Variants in GDPD4 observed in about 807,000 individuals in gnomAD.
GDPD4 encodes the protein glycerophosphodiester phosphodiesterase domain containing 4, also known as glycerophosphodiester phosphodiesterase 6.
A neutral mutation model predicts 67.8 loss-of-function variants in GDPD4; 60 were observed. That is an observed-to-expected ratio of 0.88 (90% CI 0.72 to 1.10). The LOEUF (loss-of-function observed/expected upper bound fraction) is 1.10, where lower values mean the gene tolerates loss of function less well. GDPD4 is among the 50% of genes least tolerant of loss of function. The probability of loss-of-function intolerance (pLI) is 0.00; values close to 1 mark genes in which losing one functional copy is unlikely to be tolerated. For synonymous variants in GDPD4, 212 were observed against 210.9 expected, an observed-to-expected ratio of 1.00 and a Z score of -0.04; for missense variants, 623 against 613.9, an observed-to-expected ratio of 1.01 and a Z score of -0.16.
Position 77,216,634 on chromosome 11 carries a change from T to G in GDPD4, c.*643A>C, listed in dbSNP as rs558393166. The G allele has an allele frequency of 5.2e-4, 223 of 427,592 alleles. No individual in the cohort carries two copies. Among genetic ancestry groups the G allele is most frequent in the Middle Eastern group, 3.8e-3 (6 of 1,564 alleles). The allele number at this position is 427,592 out of a possible 1,614,324, so 26.5% of individuals were successfully genotyped here. A position where few individuals can be genotyped will look rare whatever the true frequency, so the allele number is the denominator to read the frequency against. On this transcript the variant is annotated 3_prime_UTR_variant, in exon 17 of 17. Transcript: ENST00000315938. The stretch of plus-strand genomic sequence containing the variant: ...ATATTATGGAGGTGTTAGGATGAGA[T>G]AAACCTGACAGCAACCAGTTCCAAG...
chr11:77,277,362 T>C (rs1268888926), intron 4 of GDPD4, among the ~76,000 whole-genome samples: 2 of 143,238 alleles, frequency 1.4e-5, no homozygotes, highest in South Asian at 2.4e-4. Context: ...CCTTCCAAAA[T>C]CTCACAAACC....
At chr11:77,255,571 A>G (rs188809134) in intron 11 of GDPD4, among the ~76,000 whole-genome samples, 4 of 152,224 alleles carry the variant, frequency 2.6e-5, no homozygotes, top group Middle Eastern at 3.4e-3. Flanking sequence ...CAAAACAAAT[A>G]AAAATAAGGC....
intron 9 of GDPD4, 82 bp downstream of exon 9, chr11:77,268,842 C>T: frequency 7.2e-7 from 1 of 1,384,688 alleles, no homozygotes; most frequent in Non-Finnish European, 1.0e-6. Flanking sequence ...TCTCCAGGGG[C>T]TTCCATGGTT....
At chr11:77,229,106 A>C in intron 15 of GDPD4, 44 bp downstream of exon 15, 1 of 928,560 alleles carries the variant, frequency 1.1e-6, no homozygotes, top group Middle Eastern at 3.3e-4. Flanking sequence ...ATAATAATCC[A>C]TTTATTTTGG....
chr11:77,227,028 T>G (rs1487066547), intron 16 of GDPD4, among the ~76,000 whole-genome samples: 1 of 152,166 alleles, frequency 6.6e-6, no homozygotes, highest in Non-Finnish European at 1.5e-5. Flanking sequence ...TGTTCCAACT[T>G]TAATTAAGTC....
chr11:77,277,912 T>C (rs995237911), intron 4 of GDPD4, among the ~76,000 whole-genome samples: 16 of 152,042 alleles, frequency 1.1e-4, no homozygotes, highest in African/African-American at 3.9e-4. Flanking sequence ...TTTAAATGTG[T>C]CCCAGAGATT....
At chr11:77,266,422 C>G (rs762110501) in intron 10 of GDPD4, among the ~76,000 whole-genome samples, 43 of 152,106 alleles carry the variant, frequency 2.8e-4, no homozygotes, top group Non-Finnish European at 5.9e-5. Flanking sequence ...CATACAACTA[C>G]AGATAATACA....
intron 10 of GDPD4, among the ~76,000 whole-genome samples, chr11:77,267,756 C>A (rs77349724): frequency 3.9e-5 from 6 of 152,154 alleles, no homozygotes; most frequent in Non-Finnish European, 8.8e-5. Context: ...GTCTCCCAGT[C>A]TGACACTTGT....
intron 5 of GDPD4, among the ~76,000 whole-genome samples, chr11:77,272,803 T>G (rs1296851179): frequency 6.6e-6 from 1 of 151,566 alleles, no homozygotes; most frequent in African/African-American, 2.4e-5. Context: ...TTTTTTTGAG[T>G]GAATATGATC....
chr11:77,289,973 C>G (rs1218635438), intron 1 of GDPD4, among the ~76,000 whole-genome samples: 1 of 152,200 alleles, frequency 6.6e-6, no homozygotes, highest in African/African-American at 2.4e-5. Flanking sequence ...GGAAAAGCAT[C>G]GAAAACCAAT....
At chr11:77,258,581 G>A (rs1420930448) in intron 10 of GDPD4, 39 bp from the exon 11 acceptor site, 3 of 1,596,180 alleles carry the variant, frequency 1.9e-6, no homozygotes, top group East Asian at 2.2e-5. Context: ...GGGTAGATAG[G>A]CTGAATTTAG....
intron 5 of GDPD4, among the ~76,000 whole-genome samples, chr11:77,274,465 T>C (rs1208175084): frequency 6.6e-6 from 1 of 152,120 alleles, no homozygotes; most frequent in East Asian, 1.9e-4. Context: ...TGAGTTCACA[T>C]GAGATCTGGT....
intron 10 of GDPD4, among the ~76,000 whole-genome samples, chr11:77,263,485 G>C (rs776745052): frequency 6.1e-4 from 93 of 151,908 alleles, no homozygotes; most frequent in Non-Finnish European, 9.9e-4. Flanking sequence ...TAGAGATGAA[G>C]TTCTAAAAAA....
At chr11:77,242,507 A>T (rs1958688115) in intron 13 of GDPD4, among the ~76,000 whole-genome samples, 1 of 152,192 alleles carries the variant, frequency 6.6e-6, no homozygotes, top group African/African-American at 2.4e-5. Flanking sequence ...ACAAAGGAGA[A>T]AACTGACAAT....
chr11:77,295,449 T>G (rs929742547), intron 1 of GDPD4, among the ~76,000 whole-genome samples: 10 of 151,850 alleles, frequency 6.6e-5, no homozygotes, highest in Non-Finnish European at 1.5e-4. Flanking sequence ...CTGGGCAACA[T>G]AGTGGGAGCC....
At chr11:77,241,394 G>A (rs1354620741) in intron 13 of GDPD4, among the ~76,000 whole-genome samples, 1 of 152,052 alleles carries the variant, frequency 6.6e-6, no homozygotes, top group Non-Finnish European at 1.5e-5. Context: ...CTTACAGTGG[G>A]GTACGGTGGC....
intron 11 of GDPD4, among the ~76,000 whole-genome samples, chr11:77,257,551 CT>C (rs1959024902): frequency 1.7e-5 from 1 of 57,674 alleles, no homozygotes; most frequent in Non-Finnish European, 3.7e-5. Context: ...CCTCCCTCTC[CT>C]ACACACACAC....
At position 77,285,132 on chromosome 11, in the gene GDPD4, C is replaced by G; in HGVS notation, c.6G>C (p.Leu2Phe). Reference protein sequence around the residue: MLLFLWIETSSE... With the variant: MFLFLWIETSSE... ...TGGATGTTTCTATCCACAGGAACAG[C>G]AACATCAGAGACAAGACAAATGAAA... The change falls in exon 3 of 17, where the codon TTG (leucine) becomes TTC (phenylalanine). Residue 2 changes from leucine (L) to phenylalanine (F), a missense_variant. Leu to Phe is a conservative substitution (Grantham distance 22, BLOSUM62 0). Coordinates refer to ENST00000315938, the MANE Select transcript of GDPD4 (RefSeq NM_182833.3). 4.3e-6 allele frequency: 7 copies of G among 1,611,094 alleles called. No individual in the cohort carries two copies. The highest frequency in any genetic ancestry group is 5.9e-6 in the Non-Finnish European group (7 of 1,177,522).
chr11:77,268,325 C>A (rs1237475400), intron 10 of GDPD4, 132 bp downstream of exon 10: 10 of 674,750 alleles, frequency 1.5e-5, no homozygotes, highest in Middle Eastern at 2.6e-4. Context: ...GTAGTACATG[C>A]ATATATGCCA....
Sources: gnomAD v4.1 joint callset for allele counts (sites outside exome capture counted in the v4.1 genomes callset) on GRCh38, gnomAD v4.1.1 for gene constraint, MANE v1.5 for transcripts, NCBI Gene and HGNC (gene_info 2026-07-23, HGNC 2026-07-21) for gene names.